Variants in SPON1 observed in about 807,000 individuals in gnomAD.
SPON1 encodes the protein spondin-1.
A neutral mutation model predicts 111.7 loss-of-function variants in SPON1; 52 were observed. The observed-to-expected ratio is 0.47, with a 90% CI of 0.37 to 0.59. The LOEUF (loss-of-function observed/expected upper bound fraction) is 0.59. Among genes scored for constraint, SPON1 ranks in the 20% least tolerant of loss-of-function variants. The probability of loss-of-function intolerance (pLI) is 0.00; values close to 1 mark genes in which losing one functional copy is unlikely to be tolerated. For synonymous variants in SPON1, 410 were observed against 395.8 expected, an observed-to-expected ratio of 1.04 and a Z score of -0.43; for missense variants, 957 against 1,068.5, an observed-to-expected ratio of 0.90 and a Z score of 1.46.
At position 14,232,840 on chromosome 11, in the gene SPON1, A is replaced by G. The variant is rs11824879; in HGVS notation, c.826-10492A>G. ...CTCTGTCTTTCCTGAACCTGCTTCC[A>G]TTGTATTTTCAGTAGTGGCCAGTGG... On this transcript the variant is annotated intron_variant, in intron 6 of 15. Coordinates refer to ENST00000576479, the MANE Select transcript of SPON1 (RefSeq NM_006108.4). Among the ~76,000 whole-genome samples the G allele has an allele frequency of 2.8e-4, 42 of 152,016 alleles. 1 individual carries two copies. The highest frequency in any genetic ancestry group is 1.0e-3 in the African/African-American group (42 of 41,350).
At position 14,193,484 on chromosome 11, in the gene SPON1, G is replaced by A. The variant is rs551300695; in HGVS notation, c.826-49848G>A. On this transcript the variant is annotated intron_variant, in intron 6 of 15. Transcript: ENST00000576479. ...TATCATCTTGCTCCAAGGTTTTTGA[G>A]GATGGTGAGCTCTGCTTGTCACAAA... is the stretch of plus-strand genomic sequence containing the variant. 2.6e-5 allele frequency among the ~76,000 whole-genome samples: 4 copies of A among 152,294 alleles called. No individual in the cohort carries two copies. The South Asian group carries it at 8.3e-4, about 32-fold the overall frequency.
intron 6 of SPON1, among the ~76,000 whole-genome samples, chr11:14,194,409 C>A (rs1554934845): frequency 6.6e-6 from 1 of 152,146 alleles, no homozygotes; most frequent in African/African-American, 2.4e-5. Context: ...CAAATGCCAG[C>A]CACTGGGTCA....
intron 2 of SPON1, among the ~76,000 whole-genome samples, chr11:14,019,095 G>A (rs4463829): frequency 0.011 from 1,671 of 152,228 alleles, 29 homozygotes; most frequent in African/African-American, 0.038. Context: ...TTATGAGGGA[G>A]AAGGCTGATG....
Position 14,262,518 on chromosome 11 carries a change from G to A in SPON1, c.1997-194G>A. ...TGGGTGATGACCTGGCACCAATCCT[G>A]CCTCTGCTGCTTACCAACCACACGG... is the stretch of plus-strand genomic sequence containing the variant. On this transcript the variant is annotated intron_variant, in intron 14 of 15. Transcript: ENST00000576479. The A allele has an allele frequency of 7.5e-6, 5 of 667,092 alleles. No individual in the cohort carries two copies. The Admixed American group carries it at 1.1e-4, about 15-fold the overall frequency. The allele number at this position is 667,092 out of a possible 1,614,324, so 41.3% of individuals were successfully genotyped here.
chr11:14,012,256 C>A (rs1358410277), intron 2 of SPON1, among the ~76,000 whole-genome samples: 1 of 152,166 alleles, frequency 6.6e-6, no homozygotes, highest in Non-Finnish European at 1.5e-5. Flanking sequence ...GATTGCAGCT[C>A]CAGACAACTG....
At chr11:13,999,896 G>A (rs1241865763) in intron 2 of SPON1, among the ~76,000 whole-genome samples, 1 of 152,152 alleles carries the variant, frequency 6.6e-6, no homozygotes, top group Non-Finnish European at 1.5e-5. Context: ...TGTTCAGGAG[G>A]ACTGGGTGTT....
intron 6 of SPON1, among the ~76,000 whole-genome samples, chr11:14,154,028 G>A (rs1554930151): frequency 6.6e-6 from 1 of 152,140 alleles, no homozygotes; most frequent in Non-Finnish European, 1.5e-5. Context: ...CAAGGCCTTG[G>A]GCAGCTCCAC....
chr11:14,120,702 A>C (rs1849298401), intron 5 of SPON1, among the ~76,000 whole-genome samples: 1 of 152,126 alleles, frequency 6.6e-6, no homozygotes, highest in Non-Finnish European at 1.5e-5. Context: ...CTGGTTTGCT[A>C]CCAATTTCTA....
intron 6 of SPON1, among the ~76,000 whole-genome samples, chr11:14,203,085 AT>A (rs1209679386): frequency 6.6e-6 from 1 of 152,218 alleles, no homozygotes; most frequent in South Asian, 2.1e-4. Flanking sequence ...AGATGTCCTG[AT>A]TTAGGAGGTT....
Position 14,256,647 on chromosome 11 carries a change from G to A in SPON1, c.1264G>A (p.Val422Ile). Residue 422 changes from valine (V) to isoleucine (I), a missense_variant, in exon 10 of 16, where the codon GTC becomes ATC. Physicochemically the swap from Val to Ile is conservative, Grantham distance 29. Coordinates refer to ENST00000576479, the MANE Select transcript of SPON1 (RefSeq NM_006108.4). Reference sequence around the variant, plus strand: ...ACAATGCAATATTGTACCTGACAATGTCGATGATATTGTAGCTGACCTGGC... The same window carrying A: ...ACAATGCAATATTGTACCTGACAATATCGATGATATTGTAGCTGACCTGGC... The part of the protein sequence containing the change: ...GEQCNIVPDN[V>I]DDIVADLAPE... The A allele has an allele frequency of 6.2e-7, 1 of 1,613,704 alleles. No homozygotes were observed. The highest frequency in any genetic ancestry group is 2.2e-5 in the East Asian group (1 of 44,860).
intron 3 of SPON1, among the ~76,000 whole-genome samples, chr11:14,048,585 A>G (rs1848686217): frequency 6.6e-6 from 1 of 152,200 alleles, no homozygotes; most frequent in South Asian, 2.1e-4. Flanking sequence ...TTTCTAAATT[A>G]CAGACTTTCC....
intron 3 of SPON1, among the ~76,000 whole-genome samples, chr11:14,068,330 A>G (rs1848848399): frequency 6.6e-6 from 1 of 152,212 alleles, no homozygotes; most frequent in Non-Finnish European, 1.5e-5. Flanking sequence ...TAAAATCAGA[A>G]CCAGGGCTTT....
intron 3 of SPON1, among the ~76,000 whole-genome samples, chr11:14,049,523 TC>T (rs1554918232): frequency 6.6e-6 from 1 of 152,148 alleles, no homozygotes; most frequent in Non-Finnish European, 1.5e-5. Flanking sequence ...TTCACCAGGT[TC>T]CTCACCAGCC....
chr11:14,109,362 T>C (rs1264289735), intron 5 of SPON1, among the ~76,000 whole-genome samples: 1 of 152,148 alleles, frequency 6.6e-6, no homozygotes, highest in Non-Finnish European at 1.5e-5. Context: ...ATTTAAAGCT[T>C]ACAGAAATAA....
At chr11:14,015,262 G>C (rs903415554) in intron 2 of SPON1, among the ~76,000 whole-genome samples, 1 of 152,178 alleles carries the variant, frequency 6.6e-6, no homozygotes, top group African/African-American at 2.4e-5. Context: ...CAAGATCTAG[G>C]TGCCAGCAAG....
Position 13,962,827 on chromosome 11 carries a change from G to C in SPON1, c.-78G>C. 7.6e-7 allele frequency: 1 copy of C among 1,311,162 alleles called. No homozygotes were observed. Among genetic ancestry groups the C allele is most frequent in the Non-Finnish European group, 9.9e-7 (1 of 1,008,986 alleles). The allele number at this position is 1,311,162 out of a possible 1,614,324, so 81.2% of individuals were successfully genotyped here. A position where few individuals can be genotyped will look rare whatever the true frequency, so the allele number is the denominator to read the frequency against. ...CTCCGCCGCGCCTCCGCCAGGTCGC[G>C]CCTTCGTCGGGACCACTTCGGGCAG... is the stretch of plus-strand genomic sequence containing the variant. On this transcript the variant is annotated 5_prime_UTR_variant, in exon 1 of 16. Transcript: ENST00000576479.
chr11:14,222,546 C>T (rs1554937686), intron 6 of SPON1, among the ~76,000 whole-genome samples: 2 of 152,154 alleles, frequency 1.3e-5, no homozygotes, highest in African/African-American at 4.8e-5. Context: ...TTCTGAAGCA[C>T]AGCTAGTTTG....
At chr11:14,221,375 T>G (rs1848678762) in intron 6 of SPON1, among the ~76,000 whole-genome samples, 1 of 152,208 alleles carries the variant, frequency 6.6e-6, no homozygotes, top group Non-Finnish European at 1.5e-5. Flanking sequence ...TTCAGACAGG[T>G]AAAATGACTT....
intron 6 of SPON1, among the ~76,000 whole-genome samples, chr11:14,179,961 A>G (rs1848220196): frequency 6.6e-6 from 1 of 152,076 alleles, no homozygotes; most frequent in South Asian, 2.1e-4. Context: ...CCTCACTGCT[A>G]ACTACCTTGA....
Sources: allele counts gnomAD v4.1 joint callset (sites outside exome capture counted in the v4.1 genomes callset), GRCh38; gene constraint gnomAD v4.1.1; transcripts MANE v1.5; gene names NCBI Gene and HGNC (gene_info 2026-07-23, HGNC 2026-07-21).